The following PCDHA4 variants were observed in gnomAD, a reference collection of about 807,000 sequenced individuals.
The protein encoded by PCDHA4 is protocadherin alpha-4.
PCDHA4 carries 49 observed loss-of-function variants against 61.4 expected under a neutral mutation model. The ratio of observed to expected loss-of-function variants is 0.80; its 90% CI spans 0.63 to 1.01. PCDHA4 has a LOEUF of 1.01. Among genes scored for constraint, PCDHA4 ranks in the 50% least tolerant of loss-of-function variants. PCDHA4 has a pLI of 0.00. For synonymous variants in PCDHA4, 590 were observed against 550.3 expected, an observed-to-expected ratio of 1.07 and a Z score of -1.01; for missense variants, 1,254 against 1,235.8, an observed-to-expected ratio of 1.01 and a Z score of -0.22.
chr5:140,829,496 C>T lies in PCDHA4; in HGVS notation c.2385+19924C>T, dbSNP rs2150168834. 4.3e-6 allele frequency: 7 copies of T among 1,613,648 alleles called. No homozygotes were observed. The Admixed American group carries it at 1.2e-4, about 27-fold the overall frequency. ...CACAGTGTTCGTGAAGGAGAACAACCCGCCGGGCTGCCACATCTTCACGGT... is the reference window on the plus strand; with the variant it reads ...CACAGTGTTCGTGAAGGAGAACAACTCGCCGGGCTGCCACATCTTCACGGT... On this transcript the variant is annotated intron_variant, in intron 1 of 3. Coordinates refer to ENST00000530339, the MANE Select transcript of PCDHA4 (RefSeq NM_018907.4).
At chr5:140,924,188 T>A (rs2081715328) in intron 1 of PCDHA4, among the ~76,000 whole-genome samples, 1 of 152,146 alleles carries the variant, frequency 6.6e-6, no homozygotes, top group African/African-American at 2.4e-5. Flanking sequence ...AGAAAATTAG[T>A]TTTGGTTTAG....
At chr5:140,834,431 G>A (rs2150217688) in intron 1 of PCDHA4, 15 of 1,611,328 alleles carry the variant, frequency 9.3e-6, no homozygotes. Flanking sequence ...ATCTACTGCT[G>A]TTTATTATAA....
intron 1 of PCDHA4, among the ~76,000 whole-genome samples, chr5:140,934,942 A>G (rs146210062): frequency 2.5e-3 from 376 of 152,312 alleles, no homozygotes; most frequent in African/African-American, 8.6e-3. Flanking sequence ...AAACTAGTAT[A>G]GAGAGATCCC....
At chr5:140,951,741 C>A (rs1490111006) in intron 1 of PCDHA4, among the ~76,000 whole-genome samples, 3 of 152,062 alleles carry the variant, frequency 2.0e-5, no homozygotes, top group Non-Finnish European at 4.4e-5. Flanking sequence ...CTGCCACTGC[C>A]CTCACCCTCC....
intron 1 of PCDHA4, chr5:140,857,713 G>A (rs903592431): frequency 5.6e-6 from 9 of 1,597,320 alleles, no homozygotes; most frequent in Non-Finnish European, 7.7e-6. Flanking sequence ...TGTTCGTGCT[G>A]GACGAGAACG....
rs571650734 is a variant in PCDHA4 at position 140,851,052 on chromosome 5, C to T, written c.2385+41480C>T. On this transcript the variant is annotated intron_variant, in intron 1 of 3. Transcript: ENST00000530339. Reference sequence around the variant, plus strand: ...CCCTTAACATTGGAGCCGACTTTGTCTTGACTTCTAGTGAGAATTATAAAC... The same window carrying T: ...CCCTTAACATTGGAGCCGACTTTGTTTTGACTTCTAGTGAGAATTATAAAC... 5 of 1,384,048 alleles carry T rather than the reference C, an allele frequency of 3.6e-6. No individual in the cohort carries two copies. The African/African-American group carries it at 5.9e-5, about 16-fold the overall frequency. The allele number at this position is 1,384,048 out of a possible 1,614,324, so 85.7% of individuals were successfully genotyped here.
chr5:140,884,167 G>T (rs1554181302), intron 1 of PCDHA4: 2 of 1,613,294 alleles, frequency 1.2e-6, no homozygotes, highest in African/African-American at 1.3e-5. Context: ...AGATCAGCAC[G>T]ACGCGCCCTC....
chr5:140,833,753 C>CAT (rs1554133947), intron 1 of PCDHA4, among the ~76,000 whole-genome samples: 1 of 148,592 alleles, frequency 6.7e-6, no homozygotes, highest in East Asian at 1.9e-4. Context: ...AAAAAGAAAA[C>CAT]ACACACACAC....
chr5:140,812,843 A>AT (rs1554126068), intron 1 of PCDHA4: 5 of 152,248 alleles, frequency 3.3e-5, no homozygotes. Flanking sequence ...TTATCTTAAC[A>AT]TATTTTCTAA....
chr5:140,946,216 C>T (rs1361042644), intron 1 of PCDHA4, among the ~76,000 whole-genome samples: 1 of 151,868 alleles, frequency 6.6e-6, no homozygotes, highest in Non-Finnish European at 1.5e-5. Flanking sequence ...AAATGACCAA[C>T]AGGTATACTA....
In PCDHA4 at chr5:140,844,489, A is replaced by G. The variant is rs914075659; in HGVS notation, c.2385+34917A>G. The stretch of plus-strand genomic sequence containing the variant: ...TTTTTTGAGCCTCTATGTTTAGGAA[A>G]TGATTACTTTATTCTTGCAAGTATC... On this transcript the variant is annotated intron_variant, in intron 1 of 3. Coordinates refer to ENST00000530339, the MANE Select transcript of PCDHA4 (RefSeq NM_018907.4). Among the ~76,000 whole-genome samples, 7 of 149,414 alleles carry G rather than the reference A, an allele frequency of 4.7e-5. No individual in the cohort carries two copies. In the South Asian group the frequency reaches 1.5e-3, roughly 32 times the overall value.
rs1266010631 is a variant in PCDHA4, at chr5:140,857,226, C to T, written c.2385+47654C>T. 4.4e-6 allele frequency: 7 copies of T among 1,598,494 alleles called. 1 individual carries two copies. Among genetic ancestry groups the T allele is most frequent in the Non-Finnish European group, 5.1e-6 (6 of 1,167,908 alleles). On this transcript the variant is annotated intron_variant, in intron 1 of 3. Coordinates refer to ENST00000530339, the MANE Select transcript of PCDHA4 (RefSeq NM_018907.4). ...ACCTGCTCTCTGACGCCTCACGTTC[C>T]GTTCAAGCTGGTGTCCACCTACAAG...
chr5:140,985,488 A>G (rs1554247116), intron 3 of PCDHA4, among the ~76,000 whole-genome samples: 1 of 152,156 alleles, frequency 6.6e-6, no homozygotes, highest in Non-Finnish European at 1.5e-5. Flanking sequence ...CCAGACTCAA[A>G]TAGAGCCTGC....
rs2150409803 is a variant in PCDHA4, at chr5:140,848,387, C to G, written c.2385+38815C>G. The G allele has an allele frequency of 1.0e-3, 1,245 of 1,223,718 alleles. 70 individuals are homozygous for G. In the African/African-American group the frequency reaches 0.017, roughly 16 times the overall value. 75.8% of individuals were successfully genotyped at this position (1,223,718 alleles called of 1,614,324 possible). On this transcript the variant is annotated intron_variant, in intron 1 of 3. Coordinates refer to ENST00000530339, the MANE Select transcript of PCDHA4 (RefSeq NM_018907.4). The stretch of plus-strand genomic sequence containing the variant: ...AAGAGGCTCAATTCTTTTTCACTCT[C>G]TCTGTGCTGAACGATGGCGAACACA...
chr5:140,850,918 A>G (rs2150502117), intron 1 of PCDHA4: 3 of 1,529,350 alleles, frequency 2.0e-6, no homozygotes, highest in Non-Finnish European at 2.6e-6. Context: ...TTATTTATTT[A>G]TATAATTTTT....
At position 140,838,280 on chromosome 5, in the gene PCDHA4, A is replaced by ATTTTTT. The variant is rs34299325; in HGVS notation, c.2385+28718_2385+28723dup. On this transcript the variant is annotated intron_variant, in intron 1 of 3. Transcript: ENST00000530339. ...AGACGCCAACAACCAAGCCATGCTA[A>ATTTTTT]TTTTTTTTTTTTTTTGTATTTTTAG... is the stretch of plus-strand genomic sequence containing the variant. 3.0e-3 allele frequency among the ~76,000 whole-genome samples: 422 copies of ATTTTTT among 139,576 alleles called. 11 individuals are homozygous for ATTTTTT. Among genetic ancestry groups the ATTTTTT allele is most frequent in the African/African-American group, 0.011 (409 of 36,774 alleles). The allele number at this position is 139,576 out of a possible 152,430, so 91.6% of individuals were successfully genotyped here.
At chr5:140,855,836 A>T in intron 1 of PCDHA4, 3 of 600,200 alleles carry the variant, frequency 5.0e-6, no homozygotes, top group Non-Finnish European at 2.9e-6. Flanking sequence ...AATCGTACTT[A>T]CACCTAAAGC....
intron 2 of PCDHA4, among the ~76,000 whole-genome samples, chr5:140,979,453 A>G (rs2096852067): frequency 6.6e-6 from 1 of 151,906 alleles, no homozygotes; most frequent in Admixed American, 6.6e-5. Flanking sequence ...TATTACCCTC[A>G]ATAATTGATT....
At chr5:140,871,190 A>G (rs1554165248) in intron 1 of PCDHA4, 9 of 1,613,526 alleles carry the variant, frequency 5.6e-6, no homozygotes, top group Admixed American at 3.3e-5. Flanking sequence ...GTGGATGTCA[A>G]CGTGTACCTG....
Sources: gnomAD v4.1 joint callset for allele counts (sites outside exome capture counted in the v4.1 genomes callset) on GRCh38, gnomAD v4.1.1 for gene constraint, MANE v1.5 for transcripts, NCBI Gene and HGNC (gene_info 2026-07-23, HGNC 2026-07-21) for gene names.